The following DAB1 variants were observed in gnomAD, a reference collection of about 807,000 sequenced individuals.
The protein encoded by DAB1 is DAB adaptor protein 1, also known as disabled homolog 1.
A neutral mutation model predicts 64.6 loss-of-function variants in DAB1; 15 were observed. That is an observed-to-expected ratio of 0.23 (90% confidence interval 0.16 to 0.36). The LOEUF (loss-of-function observed/expected upper bound fraction) is 0.36. DAB1 is among the 10% of genes least tolerant of loss of function. DAB1 has a pLI of 1.00. For synonymous variants in DAB1, 235 were observed against 251.9 expected (o/e 0.93, Z 0.64); for missense variants, 596 against 706.7 (o/e 0.84, Z 1.78).
intron 5 of DAB1, among the ~76,000 whole-genome samples, chr1:58,138,507 A>C (rs1654075880): frequency 6.6e-6 from 1 of 152,172 alleles, no homozygotes; most frequent in Non-Finnish European, 1.5e-5. Flanking sequence ...ACAAACAGGG[A>C]AGCATGGGCC....
intron 2 of DAB1, among the ~76,000 whole-genome samples, chr1:57,237,302 A>G (rs982789187): frequency 2.4e-4 from 36 of 152,214 alleles, no homozygotes; most frequent in African/African-American, 8.7e-4. Context: ...CCCCATGGGG[A>G]GACAATTCAT....
intron 4 of DAB1, among the ~76,000 whole-genome samples, chr1:57,095,664 G>T (rs1654093021): frequency 6.6e-6 from 1 of 152,196 alleles, no homozygotes; most frequent in Admixed American, 6.5e-5. Flanking sequence ...TCTGTGGTGG[G>T]TGGGAACCAG....
At chr1:57,134,550 G>C (rs1657915898) in intron 4 of DAB1, among the ~76,000 whole-genome samples, 1 of 119,428 alleles carries the variant, frequency 8.4e-6, no homozygotes, top group Non-Finnish European at 1.9e-5. Context: ...GAGAGGAAGA[G>C]AAAAAATAAC....
chr1:58,090,473 A>G (rs872691), intron 5 of DAB1, among the ~76,000 whole-genome samples: 40,425 of 151,986 alleles, frequency 0.27, 6,608 homozygotes, highest in African/African-American at 0.45. Flanking sequence ...CTATCATGCC[A>G]ATTCCCTTTT....
Position 57,855,180 on chromosome 1 carries a change from T to A in DAB1, n.88-28725A>T, listed in dbSNP as rs563341212. On this transcript the variant is annotated intron_variant and non_coding_transcript_variant, in intron 1 of 1. Coordinates refer to the DAB1 transcript ENST00000477280. ...CAACTTCTGCAGGGCTGGAGGAAGC[T>A]GAGGGGGAGGGGTGCAGTGAGGTAG... Among the ~76,000 whole-genome samples the A allele has an allele frequency of 4.2e-4, 64 of 152,232 alleles. 1 individual carries two copies. The highest frequency in any genetic ancestry group is 6.2e-4 in the Non-Finnish European group (42 of 68,000).
intron 7 of DAB1, among the ~76,000 whole-genome samples, chr1:57,478,845 C>T (rs944985101): frequency 1.1e-4 from 16 of 151,818 alleles, no homozygotes; most frequent in African/African-American, 3.1e-4. Context: ...CATGATCCAC[C>T]GACCTCGGAC....
chr1:57,870,380 A>G (rs1270781928), intron 1 of DAB1, among the ~76,000 whole-genome samples: 1 of 152,078 alleles, frequency 6.6e-6, no homozygotes, highest in African/African-American at 2.4e-5. Flanking sequence ...AATACAACTA[A>G]GAAGCCGTTT....
chr1:58,490,896 C>T (rs919587015), intron 3 of DAB1, among the ~76,000 whole-genome samples: 5 of 144,296 alleles, frequency 3.5e-5, no homozygotes, highest in African/African-American at 1.3e-4. Context: ...AGCTCTGCCT[C>T]CTGGGTTCAC....
chr1:58,314,974 T>C (rs1355618629), intron 4 of DAB1, among the ~76,000 whole-genome samples: 1 of 152,184 alleles, frequency 6.6e-6, no homozygotes, highest in Non-Finnish European at 1.5e-5. Context: ...ACAATGAACA[T>C]CCAGTGAGAC....
intron 2 of DAB1, among the ~76,000 whole-genome samples, chr1:57,173,002 G>A (rs1215853605): frequency 2.0e-5 from 3 of 152,120 alleles, no homozygotes; most frequent in Admixed American, 6.6e-5. Context: ...TGGGTGCCTA[G>A]TCTACCTGTT....
At chr1:57,067,010 C>A (rs968977045) in intron 8 of DAB1, among the ~76,000 whole-genome samples, 2 of 126,936 alleles carry the variant, frequency 1.6e-5, no homozygotes, top group Non-Finnish European at 3.6e-5. Flanking sequence ...ACTTACAAGC[C>A]CTTAAAAAAA....
intron 6 of DAB1, among the ~76,000 whole-genome samples, chr1:57,734,504 A>C (rs1460552122): frequency 6.6e-6 from 1 of 152,248 alleles, no homozygotes; most frequent in Non-Finnish European, 1.5e-5. Context: ...CTTCAGTTGA[A>C]ATCAGTCTGG....
chr1:57,421,037 T>G (rs1487161574), intron 1 of DAB1, among the ~76,000 whole-genome samples: 2 of 152,214 alleles, frequency 1.3e-5, no homozygotes, highest in African/African-American at 4.8e-5. Flanking sequence ...CTCCATTAGA[T>G]TCTTCATCTG....
At chr1:57,412,331 T>G (rs1271468358) in intron 1 of DAB1, among the ~76,000 whole-genome samples, 4 of 152,142 alleles carry the variant, frequency 2.6e-5, no homozygotes, top group African/African-American at 4.8e-5. Flanking sequence ...GAGTCACAAG[T>G]CTCTCACTTT....
intron 6 of DAB1, among the ~76,000 whole-genome samples, chr1:57,720,599 T>C (rs1023021525): frequency 3.3e-5 from 5 of 152,244 alleles, no homozygotes; most frequent in Admixed American, 2.6e-4. Context: ...GGCCTATTTC[T>C]TCATCTGTAA....
At chr1:57,665,842 T>TA (rs1318254155) in intron 6 of DAB1, among the ~76,000 whole-genome samples, 7 of 141,340 alleles carry the variant, frequency 5.0e-5, no homozygotes, top group African/African-American at 1.9e-4. Context: ...CCTTTTTTTT[T>TA]AATTATCTGT....
intron 7 of DAB1, among the ~76,000 whole-genome samples, chr1:57,568,282 G>A (rs543584302): frequency 6.6e-6 from 1 of 152,240 alleles, no homozygotes; most frequent in East Asian, 1.9e-4. Flanking sequence ...AATTCAAGAT[G>A]AATTAAAGAC....
intron 7 of DAB1, among the ~76,000 whole-genome samples, chr1:57,430,462 G>A (rs868849556): frequency 6.0e-5 from 9 of 150,090 alleles, no homozygotes; most frequent in East Asian, 3.9e-4. Context: ...TGCAAGCTCC[G>A]CCTCCCGGGT....
chr1:57,485,553 G>A (rs1644079995), intron 7 of DAB1, among the ~76,000 whole-genome samples: 1 of 152,126 alleles, frequency 6.6e-6, no homozygotes, highest in Admixed American at 6.5e-5. Context: ...CCTGCTCTGA[G>A]CTCCAGCACA....
Sources: allele counts gnomAD v4.1 joint callset (sites outside exome capture counted in the v4.1 genomes callset), GRCh38; gene constraint gnomAD v4.1.1; transcripts MANE v1.5; gene names NCBI Gene and HGNC (gene_info 2026-07-23, HGNC 2026-07-21).